The following PHACTR3 variants were observed in gnomAD, a reference collection of about 807,000 sequenced individuals.
PHACTR3 encodes the protein protein phosphatase 1, regulatory subunit 123.
Under a neutral mutation model 66.8 loss-of-function variants are expected in PHACTR3, and 16 were observed. That is an observed-to-expected ratio of 0.24 (90% CI 0.16 to 0.36). The LOEUF is 0.36. PHACTR3 is among the 10% of genes least tolerant of loss of function. The pLI, the probability that PHACTR3 is intolerant of heterozygous loss-of-function variation, is 1.00. For missense variants in PHACTR3, 647 were observed against 719.9 expected (o/e 0.90, Z 1.16); for synonymous variants, 323 against 292.1 (o/e 1.11, Z -1.08).
At chr20:59,670,842 C>T (rs1176437025) in intron 1 of PHACTR3, among the ~76,000 whole-genome samples, 4 of 152,186 alleles carry the variant, frequency 2.6e-5, no homozygotes, top group Non-Finnish European at 4.4e-5. Context: ...AGAACGCCTC[C>T]CCAGTCCGGC....
At chr20:59,691,748 G>C (rs1047432989) in intron 1 of PHACTR3, among the ~76,000 whole-genome samples, 4 of 152,196 alleles carry the variant, frequency 2.6e-5, no homozygotes, top group African/African-American at 9.7e-5. Flanking sequence ...GAAGGATGCT[G>C]AGGAGGTTTC....
At chr20:59,838,476 C>A (rs1045882264) in intron 9 of PHACTR3, among the ~76,000 whole-genome samples, 1 of 152,312 alleles carries the variant, frequency 6.6e-6, no homozygotes, top group Non-Finnish European at 1.5e-5. Context: ...AGCAGAAGAG[C>A]AGGGGTCCCT....
intron 1 of PHACTR3, among the ~76,000 whole-genome samples, chr20:59,616,266 C>A (rs1044020666): frequency 2.0e-5 from 3 of 152,158 alleles, no homozygotes; most frequent in African/African-American, 7.2e-5. Context: ...CATGAGCTAG[C>A]ATTCGCCTCC....
rs188524033 is a variant in PHACTR3 at position 59,757,638 on chromosome 20, C to T, written c.541+2274C>T. Among the ~76,000 whole-genome samples the T allele has an allele frequency of 7.7e-3, 1,179 of 152,158 alleles. 31 individuals carry two copies. The highest frequency in any genetic ancestry group is 4.6e-3 in the Non-Finnish European group (314 of 68,006). On this transcript the variant is annotated intron_variant, in intron 4 of 12. Coordinates refer to ENST00000371015, the MANE Select transcript of PHACTR3 (RefSeq NM_080672.5). ...GGTGGTGAAAGGGTGGGGCTCTTGT[C>T]GGTGGAACTTTAGTGATTAAAAACA...
At chr20:59,724,943 G>A (rs2038504265) in intron 1 of PHACTR3, among the ~76,000 whole-genome samples, 2 of 152,238 alleles carry the variant, frequency 1.3e-5, no homozygotes, top group South Asian at 4.2e-4. Context: ...TGCTCAGGAA[G>A]CTGTGAGCCT....
intron 1 of PHACTR3, among the ~76,000 whole-genome samples, chr20:59,635,166 T>TTTC (rs2034834917): frequency 2.2e-5 from 1 of 46,190 alleles, no homozygotes; most frequent in Non-Finnish European, 4.0e-5. Context: ...TCTTTCTTTC[T>TTTC]TTCCTTTCTT....
In PHACTR3 at chr20:59,649,911, T is replaced by G. The variant is rs528711437; in HGVS notation, c.118+44779T>G. On this transcript the variant is annotated intron_variant, in intron 1 of 12. Transcript: ENST00000371015. Reference sequence around the variant, plus strand: ...CATTTGTCAAAATATAGATGAATAATTTATAGATGTGCATCCATTTTATTT... The same window carrying G: ...CATTTGTCAAAATATAGATGAATAAGTTATAGATGTGCATCCATTTTATTT... 6.2e-3 allele frequency among the ~76,000 whole-genome samples: 938 copies of G among 152,320 alleles called. 8 individuals carry two copies. Among genetic ancestry groups the G allele is most frequent in the African/African-American group, 0.022 (894 of 41,578 alleles).
chr20:59,579,011 C>T (rs1370717602), intron 1 of PHACTR3, among the ~76,000 whole-genome samples: 1 of 152,208 alleles, frequency 6.6e-6, no homozygotes, highest in Non-Finnish European at 1.5e-5. Flanking sequence ...AGAAGCCCCT[C>T]CCCCAGTGCC....
chr20:59,643,436 A>G (rs1023707517), intron 1 of PHACTR3, among the ~76,000 whole-genome samples: 3 of 152,188 alleles, frequency 2.0e-5, no homozygotes, highest in African/African-American at 7.2e-5. Flanking sequence ...GGTCTTTATT[A>G]TGATTTTAAG....
At position 59,795,074 on chromosome 20, in the gene PHACTR3, G is replaced by T. The variant is rs187399705; in HGVS notation, c.1175-10967G>T. On this transcript the variant is annotated intron_variant, in intron 7 of 12. Coordinates refer to ENST00000371015, the MANE Select transcript of PHACTR3 (RefSeq NM_080672.5). Reference sequence around the variant, plus strand: ...TTTGGTCTTTTCCTGGTTTCTTGAGGTATAGTGTTAGGTTGTTTATTTCAC... The same window carrying T: ...TTTGGTCTTTTCCTGGTTTCTTGAGTTATAGTGTTAGGTTGTTTATTTCAC... Among the ~76,000 whole-genome samples the T allele has an allele frequency of 4.1e-3, 627 of 151,918 alleles. 9 individuals carry two copies. Among genetic ancestry groups the T allele is most frequent in the Middle Eastern group, 0.01 (3 of 294 alleles).
At chr20:59,821,973 C>CCCCAGCAA (rs2042042265) in intron 8 of PHACTR3, among the ~76,000 whole-genome samples, 6 of 149,976 alleles carry the variant, frequency 4.0e-5, no homozygotes, top group African/African-American at 1.5e-4. Flanking sequence ...CCTACCCTTT[C>CCCCAGCAA]TGCAGCGATC....
At chr20:59,593,253 A>G (rs1231999472) in intron 1 of PHACTR3, among the ~76,000 whole-genome samples, 2 of 152,218 alleles carry the variant, frequency 1.3e-5, no homozygotes, top group Non-Finnish European at 2.9e-5. Context: ...CTCTAATGGC[A>G]TAATGTTTGG....
chr20:59,724,336 G>A (rs549282547), intron 1 of PHACTR3, among the ~76,000 whole-genome samples: 8 of 152,280 alleles, frequency 5.3e-5, no homozygotes, highest in South Asian at 2.1e-4. Flanking sequence ...AAACCACCAC[G>A]TGGAGGTTGC....
intron 7 of PHACTR3, among the ~76,000 whole-genome samples, chr20:59,786,282 G>A (rs1166827110): frequency 6.6e-6 from 1 of 152,258 alleles, no homozygotes; most frequent in Non-Finnish European, 1.5e-5. Context: ...GTCCCAGTCT[G>A]TGGGGCTGGC....
At chr20:59,815,426 T>TTG (rs1286120427) in intron 8 of PHACTR3, among the ~76,000 whole-genome samples, 2 of 149,296 alleles carry the variant, frequency 1.3e-5, no homozygotes, top group Non-Finnish European at 2.9e-5. Context: ...TGGTTTTTTT[T>TTG]TTTTTGTTTT....
intron 1 of PHACTR3, among the ~76,000 whole-genome samples, chr20:59,638,167 C>A (rs903231728): frequency 6.6e-6 from 1 of 152,226 alleles, no homozygotes; most frequent in Admixed American, 6.5e-5. Flanking sequence ...GCTGTCTTAG[C>A]ATGTTGAAAG....
chr20:59,762,237 A>G (rs1457408462), intron 4 of PHACTR3, among the ~76,000 whole-genome samples: 1 of 152,188 alleles, frequency 6.6e-6, no homozygotes, highest in East Asian at 1.9e-4. Flanking sequence ...GGTGAGTCTC[A>G]TGGCCATCAG....
chr20:59,676,780 C>G, intron 1 of PHACTR3: 1 of 957,712 alleles, frequency 1.0e-6, no homozygotes, highest in Non-Finnish European at 1.2e-6. Context: ...TTGCTTTGCC[C>G]CACATCTCTG....
intron 1 of PHACTR3, among the ~76,000 whole-genome samples, chr20:59,674,993 G>A (rs1299992303): frequency 6.3e-5 from 3 of 47,270 alleles, no homozygotes; most frequent in Admixed American, 3.3e-4. Flanking sequence ...CCCCTCTCCT[G>A]TTCCCCCTTC....
Sources: allele counts gnomAD v4.1 joint callset (sites outside exome capture counted in the v4.1 genomes callset), GRCh38; gene constraint gnomAD v4.1.1; transcripts MANE v1.5; gene names NCBI Gene and HGNC (gene_info 2026-07-23, HGNC 2026-07-21).